STAT5B: variants seen among roughly 807,000 people sequenced by gnomAD.
STAT5B encodes transcription factor STAT5B.
STAT5B carries 21 observed loss-of-function variants against 107.8 expected under a neutral mutation model. That is an observed-to-expected ratio of 0.19 (90% confidence interval 0.14 to 0.28). The LOEUF (loss-of-function observed/expected upper bound fraction) is 0.28. Among genes scored for constraint, STAT5B ranks in the 10% least tolerant of loss-of-function variants. The pLI is 1.00. For missense variants in STAT5B, 565 were observed against 1,008.2 expected, an observed-to-expected ratio of 0.56 and a Z score of 5.95; for synonymous variants, 325 against 401.7, an observed-to-expected ratio of 0.81 and a Z score of 2.28.
the STAT5B span, among the ~76,000 whole-genome samples, chr17:42,287,245 T>C: frequency 6.8e-6 from 1 of 147,246 alleles, no homozygotes; most frequent in Non-Finnish European, 1.5e-5. Flanking sequence ...CTGGGAGAGG[T>C]AGTAAGGGGC....
intron 2 of STAT5B, 111 bp downstream of exon 2, chr17:42,231,889 A>T (rs1201292592): frequency 6.6e-7 from 1 of 1,523,152 alleles, no homozygotes; most frequent in Non-Finnish European, 9.0e-7. Flanking sequence ...GATCACATTT[A>T]AAAATGTTTA....
chr17:42,284,962 C>T, the STAT5B span, among the ~76,000 whole-genome samples: 11 of 152,184 alleles, frequency 7.2e-5, no homozygotes, highest in Admixed American at 7.2e-4. Flanking sequence ...CATGTCTGTA[C>T]ACAAATGTGC....
chr17:42,206,851 A>C (rs1282471017), intron 16 of STAT5B, among the ~76,000 whole-genome samples: 1 of 144,206 alleles, frequency 6.9e-6, no homozygotes, highest in Non-Finnish European at 1.5e-5. Context: ...CTGGGATTAT[A>C]GGTGTGAGCC....
At chr17:42,207,487 GCACA>G (rs57356051) in intron 16 of STAT5B, 67 bp downstream of exon 16, 219,239 of 1,094,800 alleles carry the variant, frequency 0.2, 363 homozygotes, top group East Asian at 0.32. Context: ...ACGCAGGTAT[GCACA>G]CACACACACA....
the STAT5B span, among the ~76,000 whole-genome samples, chr17:42,283,441 A>T: frequency 3.9e-5 from 6 of 152,198 alleles, no homozygotes. Context: ...GTCCAGAAAG[A>T]AACCGGCCTA....
chr17:42,238,459 T>TC (rs1567667939), intron 1 of STAT5B, among the ~76,000 whole-genome samples: 1 of 146,990 alleles, frequency 6.8e-6, no homozygotes, highest in East Asian at 2.0e-4. Flanking sequence ...GCCTTTTTTT[T>TC]TTTTTTTTTT....
At chr17:42,276,420 G>A (rs973811274), upstream of STAT5B, 1 of 146,904 alleles carries the variant, frequency 6.8e-6, no homozygotes, top group East Asian at 2.0e-4. This position sits in a 1 kb window ranked among gnomAD's most constrained non-coding sequence, Gnocchi z 4.8. Context: ...GCCCGCGGGG[G>A]CGCGCGCGCC....
chr17:42,268,296 C>T (rs1231867637), intron 1 of STAT5B, among the ~76,000 whole-genome samples: 1 of 152,140 alleles, frequency 6.6e-6, no homozygotes, highest in African/African-American at 2.4e-5. Flanking sequence ...CCTTGTGTTA[C>T]AATTGTCTAC....
At chr17:42,267,495 G>C (rs1264708576) in intron 1 of STAT5B, among the ~76,000 whole-genome samples, 1 of 151,776 alleles carries the variant, frequency 6.6e-6, no homozygotes, top group Non-Finnish European at 1.5e-5. Context: ...TTAAGAAAAA[G>C]TTTTTAAAGT....
At chr17:42,210,655 T>G (rs1395881310) in intron 13 of STAT5B, 158 bp from the exon 14 acceptor site, 1 of 725,544 alleles carries the variant, frequency 1.4e-6, no homozygotes, top group African/African-American at 1.8e-5. Context: ...AATGGCCCCA[T>G]GGAGAGGAAA....
chr17:42,223,030 TCAATAA>T (rs1239724050), intron 5 of STAT5B, among the ~76,000 whole-genome samples: 13 of 152,144 alleles, frequency 8.5e-5, no homozygotes, highest in Non-Finnish European at 1.6e-4. Context: ...ATTTATCATT[TCAATAA>T]AGCTCCACTT....
At position 42,219,698 on chromosome 17, in the gene STAT5B, A is replaced by G; in HGVS notation, c.681+14T>C. The G allele has an allele frequency of 6.3e-7, 1 of 1,599,102 alleles. No individual in the cohort carries two copies. The highest frequency in any genetic ancestry group is 8.5e-7 in the Non-Finnish European group (1 of 1,174,540). On this transcript the variant is annotated intron_variant, in intron 6 of 18. Coordinates refer to ENST00000293328, the MANE Select transcript of STAT5B (RefSeq NM_012448.4). ...TGGCACCCACGCCCAGGAGAGGCCC[A>G]GGACCCCACTCACCACGCGGTACTG...
At chr17:42,214,138 G>C (rs1174180302) in intron 12 of STAT5B, 3 of 880,792 alleles carry the variant, frequency 3.4e-6, no homozygotes, top group Non-Finnish European at 4.1e-6. Context: ...GCAAGACTCT[G>C]TCTCAAAAAA....
intron 1 of STAT5B, among the ~76,000 whole-genome samples, chr17:42,249,644 A>G (rs2080481370): frequency 1.3e-5 from 2 of 152,048 alleles, no homozygotes; most frequent in South Asian, 4.1e-4. Flanking sequence ...CATAACAAAA[A>G]GGGGAAGAGG....
chr17:42,283,662 C>A, the STAT5B span, among the ~76,000 whole-genome samples: 1,113 of 152,348 alleles, frequency 7.3e-3, 13 homozygotes, highest in African/African-American at 0.025. Context: ...TAGGGGACAG[C>A]GGCAGGAACG....
chr17:42,202,128 G>T, intron 18 of STAT5B: 1 of 657,200 alleles, frequency 1.5e-6, no homozygotes, highest in Non-Finnish European at 2.7e-6. Flanking sequence ...TATTGAGAGA[G>T]GGGAACAGAT....
At chr17:42,210,714 G>A in intron 13 of STAT5B, 1 of 542,608 alleles carries the variant, frequency 1.8e-6, no homozygotes, top group Non-Finnish European at 3.4e-6. Context: ...GCACCCAGTG[G>A]GCTCCTGCTA....
chr17:42,220,529 G>T (rs2080216268), intron 5 of STAT5B, among the ~76,000 whole-genome samples: 1 of 152,140 alleles, frequency 6.6e-6, no homozygotes, highest in African/African-American at 2.4e-5. Flanking sequence ...CTCCTCAGGG[G>T]AGGATGAGAT....
chr17:42,206,193 G>A (rs951722497), intron 16 of STAT5B, among the ~76,000 whole-genome samples: 8 of 152,008 alleles, frequency 5.3e-5, no homozygotes, highest in African/African-American at 9.7e-5. Flanking sequence ...TGGTTCAAGC[G>A]ATTCTCCTGC....
Sources: gnomAD v4.1 joint callset for allele counts (sites outside exome capture counted in the v4.1 genomes callset) on GRCh38, gnomAD v4.1.1 for gene constraint, Gnocchi (gnomAD v3.1) non-coding constraint, MANE v1.5 for transcripts, NCBI Gene and HGNC (gene_info 2026-07-23, HGNC 2026-07-21) for gene names.